Variants in FHIT observed in about 807,000 individuals in gnomAD.
The protein encoded by FHIT is bis(5'-adenosyl)-triphosphatase.
A neutral mutation model predicts 17.9 loss-of-function variants in FHIT; 19 were observed. That is an observed-to-expected ratio of 1.06 (90% CI 0.74 to 1.56). The LOEUF (loss-of-function observed/expected upper bound fraction) is 1.56, where lower values mean the gene tolerates loss of function less well. FHIT is among the 40% of genes most tolerant of loss of function. The pLI is 0.00. For synonymous variants in FHIT, 81 were observed against 69.7 expected, an observed-to-expected ratio of 1.16 and a Z score of -0.81; for missense variants, 248 against 189.2, an observed-to-expected ratio of 1.31 and a Z score of -1.82.
chr3:59,946,417 T>C (rs1240445008), intron 7 of FHIT, among the ~76,000 whole-genome samples: 1 of 152,230 alleles, frequency 6.6e-6, no homozygotes, highest in East Asian at 1.9e-4. Context: ...TAAAGAGCTT[T>C]TGGACAGAGA....
At chr3:59,981,506 T>G (rs1309620056) in intron 7 of FHIT, among the ~76,000 whole-genome samples, 3 of 152,086 alleles carry the variant, frequency 2.0e-5, no homozygotes, top group African/African-American at 7.2e-5. Flanking sequence ...AGTGGGGACG[T>G]GAAAAATTTG....
At chr3:60,485,263 A>G (rs1328392790) in intron 5 of FHIT, among the ~76,000 whole-genome samples, 2 of 152,184 alleles carry the variant, frequency 1.3e-5, no homozygotes, top group Non-Finnish European at 2.9e-5. Context: ...TCAAGGATCT[A>G]GAACAGAAAT....
chr3:60,347,810 G>A (rs553972337), intron 5 of FHIT, among the ~76,000 whole-genome samples: 120 of 152,018 alleles, frequency 7.9e-4, no homozygotes, highest in Middle Eastern at 6.8e-3. Flanking sequence ...CCAGGCTGGA[G>A]TGCAATAGCA....
At chr3:60,945,718 T>A (rs1032557046) in intron 3 of FHIT, among the ~76,000 whole-genome samples, 2 of 152,180 alleles carry the variant, frequency 1.3e-5, no homozygotes, top group Non-Finnish European at 2.9e-5. Flanking sequence ...TGGGGATGGA[T>A]ACAGGTAGGC....
At chr3:60,159,965 T>C (rs936347456) in intron 5 of FHIT, among the ~76,000 whole-genome samples, 5 of 152,126 alleles carry the variant, frequency 3.3e-5, no homozygotes, top group African/African-American at 9.7e-5. Context: ...TTGTTCCAAA[T>C]ACAAACAAGG....
At chr3:60,638,569 T>C (rs2039647602) in intron 4 of FHIT, among the ~76,000 whole-genome samples, 1 of 152,122 alleles carries the variant, frequency 6.6e-6, no homozygotes, top group Non-Finnish European at 1.5e-5. Context: ...CAAATCACAA[T>C]GTCTGGGGTA....
At chr3:60,281,156 ATCTGTAAG>A (rs1707431301) in intron 5 of FHIT, among the ~76,000 whole-genome samples, 1 of 139,662 alleles carries the variant, frequency 7.2e-6, no homozygotes. Context: ...TATGTACAGG[ATCTGTAAG>A]GAAATATAAA....
At chr3:60,055,606 T>G (rs1405889034) in intron 5 of FHIT, among the ~76,000 whole-genome samples, 1 of 152,086 alleles carries the variant, frequency 6.6e-6, no homozygotes, top group East Asian at 1.9e-4. Context: ...AAACCAACAT[T>G]TTCTAGGCAC....
intron 4 of FHIT, among the ~76,000 whole-genome samples, chr3:60,606,630 C>A (rs782732356): frequency 3.3e-5 from 5 of 152,076 alleles, no homozygotes. Flanking sequence ...TCATTCCACT[C>A]CAGAATTTGA....
intron 8 of FHIT, among the ~76,000 whole-genome samples, chr3:59,864,772 C>T (rs1178153963): frequency 1.3e-5 from 2 of 149,068 alleles, no homozygotes; most frequent in East Asian, 3.9e-4. Flanking sequence ...GAAGAGGGGG[C>T]ATTCAGACTT....
intron 4 of FHIT, among the ~76,000 whole-genome samples, chr3:60,609,518 G>T (rs1306625823): frequency 6.6e-6 from 1 of 151,744 alleles, no homozygotes; most frequent in Non-Finnish European, 1.5e-5. Flanking sequence ...GTACAGATGG[G>T]GTCTAACCAT....
At chr3:60,113,021 C>G (rs530427283) in intron 5 of FHIT, among the ~76,000 whole-genome samples, 1 of 152,242 alleles carries the variant, frequency 6.6e-6, no homozygotes, top group South Asian at 2.1e-4. Flanking sequence ...AGTGTGCCTG[C>G]TTACATAACA....
intron 4 of FHIT, among the ~76,000 whole-genome samples, chr3:60,700,711 A>G (rs2041226288): frequency 6.6e-6 from 1 of 152,146 alleles, no homozygotes; most frequent in African/African-American, 2.4e-5. Flanking sequence ...ATTTCTAAGC[A>G]CCTTTAACAA....
At chr3:61,030,608 C>G (rs2107666430) in intron 3 of FHIT, among the ~76,000 whole-genome samples, 1 of 152,226 alleles carries the variant, frequency 6.6e-6, no homozygotes, top group Middle Eastern at 3.4e-3. Context: ...AGTTTAGATT[C>G]TAGTGGTGGG....
chr3:60,523,519 G>C (rs1373905245), intron 5 of FHIT, among the ~76,000 whole-genome samples: 2 of 152,144 alleles, frequency 1.3e-5, no homozygotes, highest in Non-Finnish European at 1.5e-5. Context: ...ATCTACAAAA[G>C]GGCATGTTAT....
At chr3:59,893,146 T>C (rs1703926430) in intron 8 of FHIT, among the ~76,000 whole-genome samples, 1 of 152,212 alleles carries the variant, frequency 6.6e-6, no homozygotes, top group African/African-American at 2.4e-5. Flanking sequence ...AAGTTTGGCA[T>C]TGGTCCACTT....
At chr3:59,754,710 A>G (rs1460397674) in intron 8 of FHIT, among the ~76,000 whole-genome samples, 2 of 152,224 alleles carry the variant, frequency 1.3e-5, no homozygotes, top group Admixed American at 1.3e-4. Flanking sequence ...TGTTATTGTC[A>G]TATGCCTTAC....
At chr3:60,637,044 G>A (rs979164046) in intron 4 of FHIT, among the ~76,000 whole-genome samples, 1 of 152,108 alleles carries the variant, frequency 6.6e-6, no homozygotes, top group Non-Finnish European at 1.5e-5. Context: ...AATCCTGGCA[G>A]CACCAGGGAT....
intron 4 of FHIT, among the ~76,000 whole-genome samples, chr3:60,785,179 A>T (rs782033208): frequency 6.6e-6 from 1 of 152,198 alleles, no homozygotes; most frequent in Non-Finnish European, 1.5e-5. Flanking sequence ...GAAAAATGGG[A>T]TAAAGAAATA....
Sources: gnomAD v4.1 joint callset for allele counts (sites outside exome capture counted in the v4.1 genomes callset) on GRCh38, gnomAD v4.1.1 for gene constraint, MANE v1.5 for transcripts, NCBI Gene and HGNC (gene_info 2026-07-23, HGNC 2026-07-21) for gene names.